Variants in SNTG1 observed in about 807,000 individuals in gnomAD.
SNTG1 encodes gamma-1-syntrophin.
In SNTG1, 39 loss-of-function variants were observed where a neutral mutation model predicts 74.7. That is an observed-to-expected ratio of 0.52 (90% CI 0.40 to 0.68). The LOEUF is 0.68. Among genes scored for constraint, SNTG1 ranks in the 30% least tolerant of loss-of-function variants. The pLI is 0.00. For synonymous variants in SNTG1, 254 were observed against 217.1 expected (o/e 1.17, Z -1.49); for missense variants, 685 against 609.5 (o/e 1.12, Z -1.30).
chr8:50,397,889 A>G (rs2092748174), intron 3 of SNTG1, among the ~76,000 whole-genome samples: 1 of 152,182 alleles, frequency 6.6e-6, no homozygotes, highest in Non-Finnish European at 1.5e-5. Flanking sequence ...GGTTGCGTTA[A>G]TTTTTGTTAA....
At chr8:50,773,831 T>G (rs1015237212) in intron 18 of SNTG1, among the ~76,000 whole-genome samples, 1 of 152,118 alleles carries the variant, frequency 6.6e-6, no homozygotes, top group Non-Finnish European at 1.5e-5. Context: ...TACAAATATA[T>G]TAACTGGTCT....
At chr8:50,602,338 G>A (rs984225115) in intron 13 of SNTG1, among the ~76,000 whole-genome samples, 2 of 152,084 alleles carry the variant, frequency 1.3e-5, no homozygotes, top group Admixed American at 6.5e-5. Flanking sequence ...CTTAAAACTC[G>A]TAATTTTAAA....
At chr8:50,660,138 G>A (rs559617775) in intron 15 of SNTG1, among the ~76,000 whole-genome samples, 16 of 151,868 alleles carry the variant, frequency 1.1e-4, no homozygotes, top group African/African-American at 3.9e-4. Context: ...CCGCGCCAGG[G>A]CGAACTGTGT....
chr8:50,756,471 T>G (rs1453448025), intron 18 of SNTG1, among the ~76,000 whole-genome samples: 1 of 151,842 alleles, frequency 6.6e-6, no homozygotes, highest in Non-Finnish European at 1.5e-5. Flanking sequence ...CTTTTTTATT[T>G]TTCTGCATTG....
At chr8:50,133,101 C>T (rs1046902675) in intron 1 of SNTG1, among the ~76,000 whole-genome samples, 8 of 152,120 alleles carry the variant, frequency 5.3e-5, no homozygotes, top group South Asian at 2.1e-4. Flanking sequence ...GAAGCAAGGA[C>T]GAGCCAGTCT....
In SNTG1 at chr8:50,121,539, A is replaced by T. The variant is rs1356070634; in HGVS notation, c.-102-51022A>T. Among the ~76,000 whole-genome samples, 6 of 142,916 alleles carry T rather than the reference A, an allele frequency of 4.2e-5. No homozygotes were observed. The East Asian group carries it at 1.2e-3, about 28-fold the overall frequency. 93.8% of individuals were successfully genotyped at this position (142,916 alleles called of 152,430 possible). A position where few individuals can be genotyped will look rare whatever the true frequency, so the allele number is the denominator to read the frequency against. On this transcript the variant is annotated intron_variant, in intron 1 of 18. Transcript: ENST00000642720. ...TTATAGAGTCTGTTAGGTGAGAAGT[A>T]ACATGATTCACTCAAATAAGTATTA... is the stretch of plus-strand genomic sequence containing the variant.
intron 13 of SNTG1, among the ~76,000 whole-genome samples, chr8:50,617,215 A>G (rs1194374944): frequency 6.6e-6 from 1 of 152,166 alleles, no homozygotes; most frequent in Non-Finnish European, 1.5e-5. Context: ...CAAGAATACA[A>G]GCTTGGAAGG....
intron 2 of SNTG1, among the ~76,000 whole-genome samples, chr8:50,319,926 G>A (rs976290150): frequency 6.6e-6 from 1 of 152,158 alleles, no homozygotes; most frequent in African/African-American, 2.4e-5. Flanking sequence ...GTATTTTGTT[G>A]AGGATATTTG....
intron 8 of SNTG1, 86 bp from the exon 9 acceptor site, chr8:50,502,692 A>G: frequency 9.0e-7 from 1 of 1,114,918 alleles, no homozygotes; most frequent in Non-Finnish European, 1.3e-6. Flanking sequence ...GGAAGGTGGA[A>G]GAAACAACCA....
chr8:50,228,242 A>G (rs969945694), intron 2 of SNTG1, among the ~76,000 whole-genome samples: 5 of 151,990 alleles, frequency 3.3e-5, no homozygotes, highest in Non-Finnish European at 7.4e-5. Flanking sequence ...CGAAACTAAA[A>G]TATAAAAAGC....
At position 50,438,571 on chromosome 8, in the gene SNTG1, CAGT is replaced by C. The variant is rs1295100261; in HGVS notation, c.194_196del (p.Val65del). 25 of 1,613,132 alleles carry C rather than the reference CAGT, an allele frequency of 1.5e-5. No homozygotes were observed. The highest frequency in any genetic ancestry group is 2.1e-5 in the Non-Finnish European group (25 of 1,179,566). On this transcript the variant is annotated inframe_deletion, in exon 5 of 19. Coordinates refer to ENST00000642720, the MANE Select transcript of SNTG1 (RefSeq NM_018967.5). ...AGAACGGTGACCATCAGAAGACAAA[CAGT>C]AGGAGGATTTGGATTAAGCATAAAG...
chr8:50,244,204 C>T (rs893206135), intron 2 of SNTG1, among the ~76,000 whole-genome samples: 3 of 152,074 alleles, frequency 2.0e-5, no homozygotes, highest in Non-Finnish European at 4.4e-5. Context: ...GGAGTACCCA[C>T]TCGCTATCAT....
intron 1 of SNTG1, among the ~76,000 whole-genome samples, chr8:50,100,355 A>G (rs893087389): frequency 6.6e-6 from 1 of 152,078 alleles, no homozygotes; most frequent in Non-Finnish European, 1.5e-5. Context: ...CTAGTGTTCT[A>G]TATTACTATA....
intron 8 of SNTG1, among the ~76,000 whole-genome samples, chr8:50,502,286 T>A (rs1330834017): frequency 6.6e-6 from 1 of 152,198 alleles, no homozygotes; most frequent in African/African-American, 2.4e-5. Flanking sequence ...TCTGAATTAG[T>A]ACTCTGGTCA....
intron 15 of SNTG1, among the ~76,000 whole-genome samples, chr8:50,668,623 C>T (rs1233051921): frequency 6.6e-6 from 1 of 151,418 alleles, no homozygotes; most frequent in Non-Finnish European, 1.5e-5. Context: ...CTGCACCTAT[C>T]GACCTGTCCT....
chr8:49,968,786 C>T (rs1422325370), intron 1 of SNTG1, among the ~76,000 whole-genome samples: 1 of 152,146 alleles, frequency 6.6e-6, no homozygotes, highest in Admixed American at 6.6e-5. Flanking sequence ...GCAATCCAAT[C>T]ATAATTATTT....
intron 12 of SNTG1, among the ~76,000 whole-genome samples, chr8:50,578,349 T>C (rs1772627481): frequency 6.6e-6 from 1 of 152,154 alleles, no homozygotes. Flanking sequence ...GGATATTTAA[T>C]CTCTGTGTAC....
intron 12 of SNTG1, among the ~76,000 whole-genome samples, chr8:50,570,987 G>A (rs1300255434): frequency 1.3e-5 from 2 of 152,016 alleles, no homozygotes; most frequent in Non-Finnish European, 2.9e-5. Flanking sequence ...CAGCGTACAA[G>A]CGTTCCCCTT....
chr8:50,240,709 G>T (rs1352266250), intron 2 of SNTG1, among the ~76,000 whole-genome samples: 1 of 152,106 alleles, frequency 6.6e-6, no homozygotes, highest in Non-Finnish European at 1.5e-5. Context: ...CTTCATGTTG[G>T]CCTCTGACTC....
Sources: allele counts gnomAD v4.1 joint callset (sites outside exome capture counted in the v4.1 genomes callset), GRCh38; gene constraint gnomAD v4.1.1; transcripts MANE v1.5; gene names NCBI Gene and HGNC (gene_info 2026-07-23, HGNC 2026-07-21).